DICER1: variants seen among roughly 807,000 people sequenced by gnomAD.
The protein encoded by DICER1 is dicer 1, ribonuclease III.
In DICER1, 43 loss-of-function variants were observed where a neutral mutation model predicts 194.1. That is an observed-to-expected ratio of 0.22 (90% CI 0.17 to 0.29). The LOEUF (loss-of-function observed/expected upper bound fraction) is 0.29. Ranked by LOEUF, DICER1 falls within the 10% of genes least tolerant of loss-of-function variation. The pLI, the probability that DICER1 is intolerant of heterozygous loss-of-function variation, is 1.00. For synonymous variants in DICER1, 832 were observed against 820.5 expected (o/e 1.01, Z -0.24); for missense variants, 1,608 against 2,317.0 (o/e 0.69, Z 6.28).
intron 23 of DICER1, chr14:95,095,607 T>C: frequency 1.7e-6 from 1 of 596,022 alleles, no homozygotes; most frequent in South Asian, 1.9e-5. Flanking sequence ...TGAGGGTATA[T>C]GATAGCCATA....
intron 11 of DICER1, 119 bp from the exon 12 acceptor site, chr14:95,113,343 G>A: frequency 9.8e-7 from 1 of 1,016,204 alleles, no homozygotes; most frequent in South Asian, 1.4e-5. Context: ...ATTTATATGT[G>A]GCATTTAAAC....
Position 95,138,213 on chromosome 14 carries a change from C to A in DICER1, c.-45-4710G>T, listed in dbSNP as rs575575046. ...CAAAGGACAGAGATTTTTTTTTTTT[C>A]TTAGCAAACACAACATTTCTCATAA... On this transcript the variant is annotated intron_variant, in intron 1 of 26. Transcript: ENST00000343455. 7.5e-5 allele frequency among the ~76,000 whole-genome samples: 11 copies of A among 146,358 alleles called. No homozygotes were observed. In the South Asian group the frequency reaches 2.3e-3, roughly 31 times the overall value.
rs964258122 is a variant in DICER1, at chr14:95,089,600, G to C, written c.*898C>G. 8.6e-6 allele frequency: 2 copies of C among 231,656 alleles called. No homozygotes were observed. The highest frequency in any genetic ancestry group is 4.4e-5 in the African/African-American group (2 of 45,266). The allele number at this position is 231,656 out of a possible 1,614,324, so 14.4% of individuals were successfully genotyped here. ...TAGTAAAATGGGGTGTTTAGCCAAAGATCATTTTTATGATAAAAAATATCC... is the reference window on the plus strand; with the variant it reads ...TAGTAAAATGGGGTGTTTAGCCAAACATCATTTTTATGATAAAAAATATCC... On this transcript the variant is annotated 3_prime_UTR_variant, in exon 27 of 27. Coordinates refer to ENST00000343455, the MANE Select transcript of DICER1 (RefSeq NM_177438.3).
intron 9 of DICER1, among the ~76,000 whole-genome samples, chr14:95,117,302 T>C (rs192593735): frequency 7.3e-4 from 111 of 152,302 alleles, no homozygotes; most frequent in African/African-American, 2.6e-3. Context: ...TCATATGGAA[T>C]GTACAAGAGT....
intron 1 of DICER1, among the ~76,000 whole-genome samples, chr14:95,152,998 C>T (rs184105257): frequency 1.2e-4 from 19 of 152,012 alleles, no homozygotes; most frequent in Admixed American, 4.6e-4. Flanking sequence ...GGGAGGATCA[C>T]GAGGTCAGGA....
At chr14:95,150,317 C>G (rs914626184) in intron 1 of DICER1, among the ~76,000 whole-genome samples, 1 of 152,036 alleles carries the variant, frequency 6.6e-6, no homozygotes, top group African/African-American at 2.4e-5. Context: ...AACCCCGTCT[C>G]CACTTAAAAA....
intron 13 of DICER1, 102 bp downstream of exon 13, chr14:95,112,070 G>T: frequency 2.1e-6 from 2 of 974,374 alleles, no homozygotes; most frequent in Non-Finnish European, 3.3e-6. Context: ...CAAGTGAATA[G>T]CTCTACAAAA....
chr14:95,119,783 T>C (rs546468920), intron 8 of DICER1, among the ~76,000 whole-genome samples: 1 of 152,324 alleles, frequency 6.6e-6, no homozygotes, highest in East Asian at 1.9e-4. Context: ...ACTAAGAAAA[T>C]GAAATTTAAA....
chr14:95,128,175 A>C (rs911692767), intron 6 of DICER1, among the ~76,000 whole-genome samples: 4 of 152,262 alleles, frequency 2.6e-5, no homozygotes, highest in Non-Finnish European at 4.4e-5. Flanking sequence ...TGATAATTTT[A>C]ATAAAAGAAA....
chr14:95,141,471 T>G (rs1894824502), intron 1 of DICER1, among the ~76,000 whole-genome samples: 1 of 152,220 alleles, frequency 6.6e-6, no homozygotes, highest in African/African-American at 2.4e-5. Flanking sequence ...CAGACTTGGT[T>G]TGCGCTCAGG....
intron 21 of DICER1, among the ~76,000 whole-genome samples, chr14:95,102,952 C>T (rs1043466046): frequency 6.6e-6 from 1 of 152,166 alleles, no homozygotes; most frequent in Non-Finnish European, 1.5e-5. Flanking sequence ...TAAGCCAAGA[C>T]GTACCCTCTC....
chr14:95,131,468 T>G (rs765654080), intron 4 of DICER1, 41 bp downstream of exon 4: 2 of 1,594,212 alleles, frequency 1.3e-6, no homozygotes, highest in Non-Finnish European at 8.6e-7. Flanking sequence ...AGTCAAGAAC[T>G]TGTAGGGATT....
At chr14:95,114,487 C>T (rs1213547872) in intron 11 of DICER1, among the ~76,000 whole-genome samples, 1 of 151,918 alleles carries the variant, frequency 6.6e-6, no homozygotes, top group Non-Finnish European at 1.5e-5. Context: ...TGGTAGAATG[C>T]CAACTAATAA....
At chr14:95,141,698 C>T (rs936648388) in intron 1 of DICER1, 4 of 152,214 alleles carry the variant, frequency 2.6e-5, no homozygotes, top group African/African-American at 9.6e-5. Flanking sequence ...AATGCTGATT[C>T]TAAGTTCTTT....
Position 95,124,167 on chromosome 14 carries a change from A to C in DICER1, c.1376+29T>G. Reference sequence around the variant, plus strand: ...CAACACAGGACGCCTCCCTGTTCTCATGTGAAAGGAGTCAACTTACAGATT... The same window carrying C: ...CAACACAGGACGCCTCCCTGTTCTCCTGTGAAAGGAGTCAACTTACAGATT... On this transcript the variant is annotated intron_variant, in intron 8 of 26. Coordinates refer to ENST00000343455, the MANE Select transcript of DICER1 (RefSeq NM_177438.3). This position sits in a 1 kb window ranked among gnomAD's most constrained non-coding sequence, Gnocchi z 4.5. 10 of 1,543,900 alleles carry C rather than the reference A, an allele frequency of 6.5e-6. No homozygotes were observed. The highest frequency in any genetic ancestry group is 8.9e-6 in the Non-Finnish European group (10 of 1,118,478).
At position 95,131,623 on chromosome 14, in the gene DICER1, T is replaced by C. The variant is rs1595463264; in HGVS notation, c.324A>G (p.Gln108=). 1.2e-6 allele frequency: 2 copies of C among 1,614,008 alleles called. No homozygotes were observed. The highest frequency in any genetic ancestry group is 8.5e-7 in the Non-Finnish European group (1 of 1,179,872). The part of the protein sequence containing the change: ...FLVNSANQVA[Q]QVSAVRTHSD... ...AATGAGTTCTGACAGCTGACACTTG[T>C]TGAGCAACCTGGTTTGCTAATTACA... Residue 108 remains glutamine, a synonymous_variant, in exon 4 of 27, where the codon CAA becomes CAG. Coordinates refer to ENST00000343455, the MANE Select transcript of DICER1 (RefSeq NM_177438.3).
intron 4 of DICER1, among the ~76,000 whole-genome samples, chr14:95,130,695 C>T (rs1388206351): frequency 2.6e-5 from 4 of 152,260 alleles, no homozygotes; most frequent in South Asian, 2.1e-4. Flanking sequence ...AGTGAGGAAG[C>T]GCCTCTTAAT....
intron 1 of DICER1, among the ~76,000 whole-genome samples, chr14:95,146,847 T>C (rs1235122617): frequency 1.3e-5 from 2 of 152,130 alleles, no homozygotes; most frequent in Non-Finnish European, 2.9e-5. Flanking sequence ...GTAGAACACT[T>C]TTATTTACAG....
chr14:95,096,820 C>T (rs1890400169), intron 22 of DICER1, 107 bp from the exon 23 acceptor site: 2 of 1,332,858 alleles, frequency 1.5e-6, no homozygotes, highest in South Asian at 3.1e-5. Context: ...ATGACAACCA[C>T]AAATACTAAA....
Sources: gnomAD v4.1 joint callset for allele counts (sites outside exome capture counted in the v4.1 genomes callset) on GRCh38, gnomAD v4.1.1 for gene constraint, Gnocchi (gnomAD v3.1) non-coding constraint, MANE v1.5 for transcripts, NCBI Gene and HGNC (gene_info 2026-07-23, HGNC 2026-07-21) for gene names.